Variants in MYOM2 observed in about 807,000 individuals in gnomAD.
MYOM2 encodes myomesin-2.
Under a neutral mutation model 187.6 loss-of-function variants are expected in MYOM2, and 254 were observed. The ratio of observed to expected loss-of-function variants is 1.35; its 90% CI spans 1.22 to 1.50. The LOEUF is 1.50. Among genes scored for constraint, MYOM2 ranks in the 40% most tolerant of loss-of-function variants. The pLI, the probability that MYOM2 is intolerant of heterozygous loss-of-function variation, is 0.00. For missense variants in MYOM2, 2,796 were observed against 1,924.0 expected (o/e 1.45, Z -8.48); for synonymous variants, 981 against 753.8 (o/e 1.30, Z -4.94).
Position 2,144,969 on chromosome 8 carries a change from G to T in MYOM2, c.4386G>T (p.Ala1462=), listed in dbSNP as rs144924390. The T allele has an allele frequency of 7.6e-4, 1,226 of 1,614,000 alleles. 6 individuals are homozygous for T. The African/African-American group carries it at 0.012, about 16-fold the overall frequency. ...AGCTCATCCCCGCGTCTGCCTCAGC[G>T]GCAGGCCAGTGAAGGCGTTTTCCTA... ...KPKLIPASAS[A]AGQ The change falls in exon 37 of 37, where the codon GCG becomes GCT. Residue 1462 remains alanine (A), a synonymous_variant. Transcript: ENST00000262113.
chr8:2,133,482 T>A (rs890588243), intron 32 of MYOM2, among the ~76,000 whole-genome samples: 1 of 151,984 alleles, frequency 6.6e-6, no homozygotes, highest in Non-Finnish European at 1.5e-5. Flanking sequence ...TCCGACAGAG[T>A]CGGAGTGTTG....
chr8:2,142,228 C>T (rs572055001), intron 34 of MYOM2, 147 bp from the exon 35 acceptor site: 11 of 815,482 alleles, frequency 1.3e-5, no homozygotes, highest in Non-Finnish European at 2.3e-5. Context: ...GGTCCTGTGA[C>T]CCGAACATGT....
chr8:2,117,845 T>C (rs1797299349), intron 27 of MYOM2, 40 bp from the exon 28 acceptor site: 2 of 1,489,598 alleles, frequency 1.3e-6, no homozygotes, highest in East Asian at 4.5e-5. Flanking sequence ...TGTTTACTTT[T>C]TCCTTTTTTA....
At chr8:2,076,394 G>A (rs981469311) in intron 11 of MYOM2, 112 bp downstream of exon 11, 1 of 1,368,766 alleles carries the variant, frequency 7.3e-7, no homozygotes, top group Non-Finnish European at 9.8e-7. Context: ...TTTTTTGATT[G>A]GCTCTAGGTA....
At chr8:2,048,955 A>C (rs7012292) in intron 1 of MYOM2, among the ~76,000 whole-genome samples, 2 of 151,432 alleles carry the variant, frequency 1.3e-5, no homozygotes, top group African/African-American at 4.9e-5. Flanking sequence ...ATTCTGGCTA[A>C]TTTTTTGTAT....
intron 27 of MYOM2, among the ~76,000 whole-genome samples, chr8:2,116,648 T>G (rs1000164179): frequency 2.0e-5 from 3 of 152,212 alleles, no homozygotes; most frequent in Non-Finnish European, 4.4e-5. Context: ...ACTTTCTAAC[T>G]ACAAACAATA....
At chr8:2,072,561 G>A (rs947329799) in intron 9 of MYOM2, 52 bp downstream of exon 9, 5 of 1,570,666 alleles carry the variant, frequency 3.2e-6, no homozygotes, top group Non-Finnish European at 4.3e-6. Context: ...CTTTTGGACG[G>A]AAATGTCCTT....
At position 2,085,268 on chromosome 8, in the gene MYOM2, G is replaced by C; in HGVS notation, c.1522G>C (p.Ala508Pro). 6.2e-7 allele frequency: 1 copy of C among 1,613,982 alleles called. No homozygotes were observed. Among genetic ancestry groups the C allele is most frequent in the Non-Finnish European group, 8.5e-7 (1 of 1,179,936 alleles). The change falls in exon 14 of 37, where the codon GCC becomes CCC. Residue 508 changes from alanine to proline, a missense_variant. Physicochemically the swap from Ala to Pro is conservative, Grantham distance 27. Coordinates refer to ENST00000262113, the MANE Select transcript of MYOM2 (RefSeq NM_003970.4). ...AIYQDDLEGDAQVPGPPTGVH... is the reference protein window; with the variant it reads ...AIYQDDLEGDPQVPGPPTGVH... ...CGAATTTATTATTCCTCCAGGTGAC[G>C]CCCAGGTTCCAGGGCCTCCCACCGG...
At chr8:2,081,559 C>A (rs917952036) in intron 13 of MYOM2, among the ~76,000 whole-genome samples, 2 of 152,212 alleles carry the variant, frequency 1.3e-5, no homozygotes, top group African/African-American at 4.8e-5. Context: ...AAATGACCCA[C>A]GGTGAGAAGG....
intron 23 of MYOM2, among the ~76,000 whole-genome samples, chr8:2,107,023 G>T (rs3817711): frequency 1.3e-5 from 2 of 151,924 alleles, no homozygotes; most frequent in Non-Finnish European, 2.9e-5. Flanking sequence ...TTTAACTGAC[G>T]AAGTGAAAAT....
chr8:2,118,477 C>T (rs920559520), intron 28 of MYOM2, among the ~76,000 whole-genome samples: 3 of 152,108 alleles, frequency 2.0e-5, no homozygotes, highest in Non-Finnish European at 2.9e-5. Flanking sequence ...ATCAATAATG[C>T]ATTGTTTTTA....
intron 1 of MYOM2, among the ~76,000 whole-genome samples, chr8:2,049,112 G>A (rs1401431291): frequency 6.6e-6 from 1 of 152,140 alleles, no homozygotes; most frequent in Non-Finnish European, 1.5e-5. Context: ...GTTCTATGAG[G>A]TGCAACGTTC....
Position 2,120,689 on chromosome 8 carries a change from A to AAATATATATTTATAATAT in MYOM2, c.3454-2562_3454-2561insATATATATTTATAATATA, listed in dbSNP as rs1554432196. 1.9e-3 allele frequency among the ~76,000 whole-genome samples: 82 copies of AAATATATATTTATAATAT among 42,372 alleles called. 3 individuals are homozygous for AAATATATATTTATAATAT. Among genetic ancestry groups the AAATATATATTTATAATAT allele is most frequent in the Non-Finnish European group, 3.2e-3 (69 of 21,390 alleles). The allele number at this position is 42,372 out of a possible 152,430, so 27.8% of individuals were successfully genotyped here. A position where few individuals can be genotyped will look rare whatever the true frequency, so the allele number is the denominator to read the frequency against. On this transcript the variant is annotated intron_variant, in intron 28 of 36. Transcript: ENST00000262113. ...ATATATATATATTATATTATATATA[A>AAATATATATTTATAATAT]ATATATAATATATATATTTTAATTG...
rs188417436 is a variant in MYOM2 at position 2,047,793 on chromosome 8, G to C, written c.-13+2625G>C. On this transcript the variant is annotated intron_variant, in intron 1 of 36. Coordinates refer to ENST00000262113, the MANE Select transcript of MYOM2 (RefSeq NM_003970.4). Reference sequence around the variant, plus strand: ...TGAGGATTGCAGGAAGTGTGCACACGTGATCCCAGCTCTGCCTTGCTAAGC... The same window carrying C: ...TGAGGATTGCAGGAAGTGTGCACACCTGATCCCAGCTCTGCCTTGCTAAGC... Among the ~76,000 whole-genome samples, 43 of 152,316 alleles carry C rather than the reference G, an allele frequency of 2.8e-4. 1 individual carries two copies. The East Asian group carries it at 7.5e-3, about 27-fold the overall frequency.
intron 16 of MYOM2, 112 bp from the exon 17 acceptor site, chr8:2,093,858 G>A (rs1796389105): frequency 1.6e-6 from 2 of 1,242,742 alleles, no homozygotes; most frequent in African/African-American, 1.5e-5. Context: ...AATGAAGGAT[G>A]TATGTTATCC....
chr8:2,054,992 CG>C, intron 3 of MYOM2, among the ~76,000 whole-genome samples: 1 of 37,106 alleles, frequency 2.7e-5, no homozygotes, highest in African/African-American at 5.4e-5. Flanking sequence ...ACTGGGGGGA[CG>C]AAGTACCTGG....
At chr8:2,139,524 C>T (rs188495615) in intron 32 of MYOM2, among the ~76,000 whole-genome samples, 5 of 152,288 alleles carry the variant, frequency 3.3e-5, no homozygotes, top group African/African-American at 1.2e-4. Flanking sequence ...GTGAGGAGGG[C>T]TGGAGAATTC....
chr8:2,073,623 G>C, intron 10 of MYOM2, 123 bp downstream of exon 10: 10 of 1,201,444 alleles, frequency 8.3e-6, no homozygotes, highest in Non-Finnish European at 1.1e-5. Context: ...TTGCTCCTTG[G>C]AGACCCCATG....
Position 2,101,067 on chromosome 8 carries a change from C to T in MYOM2, c.2619+13C>T, listed in dbSNP as rs372843067. 346 of 1,612,882 alleles carry T rather than the reference C, an allele frequency of 2.1e-4. No individual in the cohort carries two copies. Among genetic ancestry groups the T allele is most frequent in the Non-Finnish European group, 2.7e-4 (317 of 1,179,416 alleles). On this transcript the variant is annotated intron_variant, in intron 20 of 36. Coordinates refer to ENST00000262113, the MANE Select transcript of MYOM2 (RefSeq NM_003970.4). ...CCGTTATTTAAAGGTAAGTCTTGGC[C>T]GGCTGTGGTGGCTCATGCCTGTAAT...
Sources: gnomAD v4.1 joint callset for allele counts (sites outside exome capture counted in the v4.1 genomes callset) on GRCh38, gnomAD v4.1.1 for gene constraint, MANE v1.5 for transcripts, NCBI Gene and HGNC (gene_info 2026-07-23, HGNC 2026-07-21) for gene names.